PATJ: variants seen among roughly 807,000 people sequenced by gnomAD.
The protein encoded by PATJ is PATJ crumbs cell polarity complex component.
PATJ carries 190 observed loss-of-function variants against 224.9 expected under a neutral mutation model. That is an observed-to-expected ratio of 0.84 (90% CI 0.75 to 0.95). The LOEUF (loss-of-function observed/expected upper bound fraction) is 0.95. Among genes scored for constraint, PATJ ranks in the 40% least tolerant of loss-of-function variants. The pLI, the probability that PATJ is intolerant of heterozygous loss-of-function variation, is 0.00. For synonymous variants in PATJ, 769 were observed against 820.3 expected (o/e 0.94, Z 1.07); for missense variants, 2,121 against 2,270.3 (o/e 0.93, Z 1.34).
intron 22 of PATJ, among the ~76,000 whole-genome samples, chr1:61,892,746 A>G (rs1318136961): frequency 3.3e-5 from 5 of 152,082 alleles, no homozygotes; most frequent in Non-Finnish European, 7.3e-5. Context: ...CCACATGCAT[A>G]GCCTCCCCTA....
chr1:61,923,606 G>A (rs375266372), intron 26 of PATJ, among the ~76,000 whole-genome samples: 1 of 152,018 alleles, frequency 6.6e-6, no homozygotes, highest in East Asian at 1.9e-4. Context: ...TTTGGTTTGA[G>A]ATCATTCACT....
At chr1:61,817,657 G>C (rs1020314872) in intron 14 of PATJ, among the ~76,000 whole-genome samples, 1 of 152,132 alleles carries the variant, frequency 6.6e-6, no homozygotes, top group Non-Finnish European at 1.5e-5. Context: ...GCGAAACTCT[G>C]TCTCAAAAAA....
At chr1:61,834,989 A>C (rs764464605) in intron 17 of PATJ, among the ~76,000 whole-genome samples, 31 of 152,196 alleles carry the variant, frequency 2.0e-4, no homozygotes, top group Non-Finnish European at 3.8e-4. Context: ...TTGGCCTTCC[A>C]AAGTGCTGGG....
intron 24 of PATJ, among the ~76,000 whole-genome samples, chr1:61,902,049 C>T (rs368244936): frequency 6.6e-4 from 100 of 152,034 alleles, no homozygotes; most frequent in Middle Eastern, 3.4e-3. Flanking sequence ...ATGGTGAAAC[C>T]CCATCTACTA....
intron 5 of PATJ, 117 bp downstream of exon 5, chr1:61,769,539 C>A: frequency 8.1e-7 from 1 of 1,228,024 alleles, no homozygotes; most frequent in Non-Finnish European, 1.1e-6. Context: ...AACATTTTTG[C>A]TTTCGTTTTT....
At chr1:61,869,258 C>T (rs566271964) in intron 20 of PATJ, among the ~76,000 whole-genome samples, 4 of 150,866 alleles carry the variant, frequency 2.7e-5, no homozygotes, top group South Asian at 4.3e-4. Flanking sequence ...AGGCGCCCGC[C>T]ACTACGCCCG....
intron 1 of PATJ, among the ~76,000 whole-genome samples, chr1:61,754,798 A>C (rs1645539660): frequency 1.3e-5 from 2 of 151,982 alleles, no homozygotes; most frequent in South Asian, 4.2e-4. Context: ...CATGATGAGC[A>C]CCTGTAGTCC....
intron 24 of PATJ, among the ~76,000 whole-genome samples, chr1:61,906,362 G>A (rs972544379): frequency 1.3e-5 from 2 of 152,104 alleles, no homozygotes; most frequent in Non-Finnish European, 2.9e-5. Context: ...GGGGAATGCA[G>A]GGATTCTCTA....
chr1:61,936,432 C>CAAAA (rs11455787), intron 27 of PATJ, among the ~76,000 whole-genome samples: 7 of 92,704 alleles, frequency 7.6e-5, no homozygotes, highest in African/African-American at 1.3e-4. Flanking sequence ...CTTCCAAGAC[C>CAAAA]AAAAAAAAAA....
At chr1:62,082,844 C>T (rs997371484) in intron 32 of PATJ, among the ~76,000 whole-genome samples, 9 of 151,876 alleles carry the variant, frequency 5.9e-5, no homozygotes, top group African/African-American at 1.2e-4. Context: ...AGCTATAGTC[C>T]GCTGACCCCT....
chr1:61,960,036 A>T (rs887560506), intron 27 of PATJ, among the ~76,000 whole-genome samples: 3 of 152,098 alleles, frequency 2.0e-5, no homozygotes, highest in African/African-American at 7.2e-5. Flanking sequence ...AAAAATAAAT[A>T]AATAAGTAAA....
intron 14 of PATJ, 97 bp from the exon 15 acceptor site, chr1:61,822,848 G>C (rs1437285602): frequency 7.2e-7 from 1 of 1,392,862 alleles, no homozygotes; most frequent in Non-Finnish European, 9.9e-7. Context: ...TCTAATTCAA[G>C]AGGTGGGGTT....
At chr1:62,092,492 G>A (rs1660876951) in intron 33 of PATJ, among the ~76,000 whole-genome samples, 1 of 150,000 alleles carries the variant, frequency 6.7e-6, no homozygotes, top group African/African-American at 2.5e-5. Context: ...TTTTTAGACG[G>A]AGTCTCACTC....
chr1:61,810,225 T>C (rs1166959341), intron 14 of PATJ, among the ~76,000 whole-genome samples: 1 of 152,148 alleles, frequency 6.6e-6, no homozygotes, highest in Non-Finnish European at 1.5e-5. Flanking sequence ...AGTCACTTCA[T>C]TGTTGTGACT....
At chr1:61,974,405 C>CTTTT (rs149825131) in intron 27 of PATJ, among the ~76,000 whole-genome samples, 14 of 64,262 alleles carry the variant, frequency 2.2e-4, no homozygotes, top group Non-Finnish European at 2.1e-4. Flanking sequence ...CTCTCTCTCT[C>CTTTT]TTTTTTTTTT....
At chr1:61,788,824 A>G (rs1649150379) in intron 8 of PATJ, among the ~76,000 whole-genome samples, 1 of 152,026 alleles carries the variant, frequency 6.6e-6, no homozygotes, top group Admixed American at 6.6e-5. Flanking sequence ...ACAGACATGC[A>G]CCACCACGCC....
chr1:61,917,568 A>G (rs1673627415), intron 26 of PATJ, among the ~76,000 whole-genome samples: 1 of 152,098 alleles, frequency 6.6e-6, no homozygotes, highest in African/African-American at 2.4e-5. Context: ...CTGGAATGCA[A>G]TTTATTTGTT....
intron 27 of PATJ, among the ~76,000 whole-genome samples, chr1:61,970,747 C>T (rs575909925): frequency 7.8e-4 from 118 of 152,216 alleles, no homozygotes; most frequent in African/African-American, 2.7e-3. Flanking sequence ...CCTGCTTTGG[C>T]CTCCCAAAGC....
At chr1:61,911,550 T>G (rs991604068) in intron 25 of PATJ, among the ~76,000 whole-genome samples, 7 of 152,050 alleles carry the variant, frequency 4.6e-5, no homozygotes, top group African/African-American at 1.7e-4. Context: ...ATTTTCAGCC[T>G]TCTGGAAAAA....
Sources: gnomAD v4.1 joint callset for allele counts (sites outside exome capture counted in the v4.1 genomes callset) on GRCh38, gnomAD v4.1.1 for gene constraint, MANE v1.5 for transcripts, NCBI Gene and HGNC (gene_info 2026-07-23, HGNC 2026-07-21) for gene names.